Variants in DOCK11 observed in about 807,000 individuals in gnomAD.
DOCK11 encodes the protein dedicator of cytokinesis 11.
A neutral mutation model predicts 169.1 loss-of-function variants in DOCK11; 70 were observed. The ratio of observed to expected loss-of-function variants is 0.41; its 90% confidence interval spans 0.34 to 0.51. The LOEUF is 0.51. Ranked by LOEUF, DOCK11 falls within the 20% of genes least tolerant of loss-of-function variation. DOCK11 has a pLI of 0.10. For synonymous variants in DOCK11, 529 were observed against 541.3 expected, an observed-to-expected ratio of 0.98 and a Z score of 0.32; for missense variants, 1,166 against 1,538.8, an observed-to-expected ratio of 0.76 and a Z score of 4.05.
At chrX:118,552,152 C>A (rs1440021618) in intron 6 of DOCK11, among the ~76,000 whole-genome samples, 2 of 111,421 alleles carry the variant, frequency 1.8e-5, no homozygotes, top group African/African-American at 6.5e-5. Context: ...AGAGACTCAG[C>A]AAAGTGCAGT....
At chrX:118,545,818 A>G (rs1252348460) in intron 5 of DOCK11, among the ~76,000 whole-genome samples, 3 of 112,020 alleles carry the variant, frequency 2.7e-5, no homozygotes, top group East Asian at 2.8e-4. Flanking sequence ...AGCCCATACC[A>G]TTCAGTAAAT....
chrX:118,511,477 T>A (rs2057650730), intron 1 of DOCK11, among the ~76,000 whole-genome samples: 1 of 112,367 alleles, frequency 8.9e-6, no homozygotes, highest in African/African-American at 3.2e-5. Flanking sequence ...GTAGTCCTAT[T>A]TAAATCTTTT....
At chrX:118,647,596 A>G (rs1271840871) in intron 40 of DOCK11, among the ~76,000 whole-genome samples, 1 of 59,899 alleles carries the variant, frequency 1.7e-5, no homozygotes, top group Non-Finnish European at 2.9e-5. Context: ...TATCTTATAT[A>G]TTAATATATA....
chrX:118,600,796 G>A (rs1469145454), intron 23 of DOCK11, among the ~76,000 whole-genome samples: 1 of 110,407 alleles, frequency 9.1e-6, no homozygotes, highest in East Asian at 2.8e-4. Context: ...GGGAGAGCTG[G>A]GAACAGCAAG....
intron 1 of DOCK11, 40 bp downstream of exon 1, chrX:118,496,113 C>T: frequency 1.1e-6 from 1 of 922,001 alleles, no homozygotes; most frequent in Non-Finnish European, 1.4e-6. Context: ...GGGACGCGCT[C>T]CAGGCGGGAG....
intron 31 of DOCK11, among the ~76,000 whole-genome samples, chrX:118,620,870 C>A (rs185694215): frequency 3.7e-4 from 42 of 112,244 alleles, no homozygotes; most frequent in African/African-American, 1.3e-3. Flanking sequence ...AAATGAACTT[C>A]CCCTCTCTGA....
At chrX:118,531,412 CAAAAAAAAAAAAAAAAAAAAA>C (rs60932296) in intron 1 of DOCK11, among the ~76,000 whole-genome samples, 916 of 29,188 alleles carry the variant, frequency 0.031, 14 homozygotes, top group Non-Finnish European at 0.045. Context: ...GCCATATACT[CAAAAAAAAAAAAAAAAAAAAA>C]AAAAAAAAAA....
rs2015054510 is a variant in DOCK11, at chrX:118,624,667, T to A, written c.3588+12T>A. The A allele has an allele frequency of 5.4e-6, 6 of 1,112,632 alleles. No individual in the cohort carries two copies. Among genetic ancestry groups the A allele is most frequent in the Non-Finnish European group, 6.2e-6 (5 of 811,652 alleles). The allele number at this position is 1,112,632 out of a possible 1,213,427, so 91.7% of individuals were successfully genotyped here. A position where few individuals can be genotyped will look rare whatever the true frequency, so the allele number is the denominator to read the frequency against. On this transcript the variant is annotated intron_variant, in intron 32 of 52. Transcript: ENST00000276202. ...CCATGCCTAATTCTGTAAGTAGTAA[T>A]GTGTTTCTGTTGGAGTTTTATCCTA...
chrX:118,638,799 T>G (rs775617407), intron 37 of DOCK11, among the ~76,000 whole-genome samples: 1 of 111,829 alleles, frequency 8.9e-6, no homozygotes, highest in East Asian at 2.8e-4. Flanking sequence ...TGTTTTCCCA[T>G]AAGTTGGAGC....
chrX:118,631,000 T>C (rs2015226197), intron 35 of DOCK11, among the ~76,000 whole-genome samples: 1 of 111,524 alleles, frequency 9.0e-6, no homozygotes, highest in Non-Finnish European at 1.9e-5. Flanking sequence ...TTTTTCTCCT[T>C]GGTATAGAGC....
intron 1 of DOCK11, among the ~76,000 whole-genome samples, chrX:118,524,087 CCCTG>C (rs1160414027): frequency 8.9e-6 from 1 of 112,014 alleles, no homozygotes; most frequent in East Asian, 2.8e-4. Context: ...GTCCTCCCCA[CCCTG>C]CCTGTTTGCC....
chrX:118,628,662 A>G (rs746473114), intron 34 of DOCK11, among the ~76,000 whole-genome samples: 90 of 111,995 alleles, frequency 8.0e-4, no homozygotes, highest in Non-Finnish European at 1.1e-3. Context: ...TGGGAGGAAA[A>G]AATATAGGTC....
chrX:118,599,939 T>C (rs766433694), intron 23 of DOCK11, among the ~76,000 whole-genome samples: 41 of 112,346 alleles, frequency 3.6e-4, no homozygotes, highest in African/African-American at 1.3e-3. Flanking sequence ...AGAGGTAGTA[T>C]GAGATGAGAT....
chrX:118,628,281 T>C lies in DOCK11; in HGVS notation c.3774+9T>C, dbSNP rs375816660. On this transcript the variant is annotated intron_variant, in intron 34 of 52. Coordinates refer to ENST00000276202, the MANE Select transcript of DOCK11 (RefSeq NM_144658.4). ...GCAACACTGGTGAAAATGTAAGAAC[T>C]TAAATATATAGGATGACCCTAGTGA... 8 of 1,131,557 alleles carry C rather than the reference T, an allele frequency of 7.1e-6. No individual in the cohort carries two copies. The African/African-American group carries it at 1.4e-4, about 20-fold the overall frequency. The allele number at this position is 1,131,557 out of a possible 1,213,427, so 93.3% of individuals were successfully genotyped here.
intron 14 of DOCK11, among the ~76,000 whole-genome samples, chrX:118,583,880 G>C (rs756179858): frequency 1.8e-5 from 2 of 111,551 alleles, no homozygotes; most frequent in East Asian, 2.8e-4. Flanking sequence ...GTATTCTTTA[G>C]TGAATAATGA....
At chrX:118,640,071 A>C (rs969228708) in intron 38 of DOCK11, among the ~76,000 whole-genome samples, 1 of 112,366 alleles carries the variant, frequency 8.9e-6, no homozygotes, top group African/African-American at 3.2e-5. Flanking sequence ...GGGAATGAAC[A>C]TGCTGAGTTG....
At chrX:118,498,279 TTTC>T (rs939710570) in intron 1 of DOCK11, among the ~76,000 whole-genome samples, 1 of 112,767 alleles carries the variant, frequency 8.9e-6, no homozygotes, top group Non-Finnish European at 1.9e-5. Context: ...AAATGATCTT[TTTC>T]TTCATTTGTT....
intron 32 of DOCK11, 98 bp downstream of exon 32, chrX:118,624,753 AC>A: frequency 4.5e-5 from 14 of 309,147 alleles, no homozygotes; most frequent in Admixed American, 6.7e-5. Context: ...TTAAGAGTTC[AC>A]TTTTTTTTTT....
chrX:118,617,110 A>G (rs1414920600), intron 30 of DOCK11, among the ~76,000 whole-genome samples: 1 of 111,991 alleles, frequency 8.9e-6, no homozygotes, highest in Non-Finnish European at 1.9e-5. Flanking sequence ...CCAAAAGAAA[A>G]ATAGAAAACA....
Sources: allele counts gnomAD v4.1 joint callset (sites outside exome capture counted in the v4.1 genomes callset), GRCh38; gene constraint gnomAD v4.1.1; transcripts MANE v1.5; gene names NCBI Gene and HGNC (gene_info 2026-07-23, HGNC 2026-07-21).